The following EYS variants were observed in gnomAD, a reference collection of about 807,000 sequenced individuals.
EYS encodes protein eyes shut homolog.
Under a neutral mutation model 282.1 loss-of-function variants are expected in EYS, and 250 were observed. The observed-to-expected ratio is 0.89, with a 90% CI of 0.80 to 0.98. The LOEUF (loss-of-function observed/expected upper bound fraction) is 0.98, where lower values mean the gene tolerates loss of function less well. Ranked by LOEUF, EYS falls within the 50% of genes least tolerant of loss-of-function variation. EYS has a pLI of 0.00. For missense variants in EYS, 4,016 were observed against 3,709.0 expected (o/e 1.08, Z -2.15); for synonymous variants, 1,355 against 1,282.9 (o/e 1.06, Z -1.20).
chr6:64,453,355 G>C (rs948917351), intron 26 of EYS, among the ~76,000 whole-genome samples: 13 of 152,020 alleles, frequency 8.6e-5, no homozygotes, highest in East Asian at 1.9e-4. Flanking sequence ...AGTCAGGAAA[G>C]AACAGGTGCT....
chr6:64,869,507 G>A (rs1253719754), intron 19 of EYS, among the ~76,000 whole-genome samples: 2 of 151,432 alleles, frequency 1.3e-5, no homozygotes, highest in African/African-American at 4.8e-5. Flanking sequence ...AAGTAATTTG[G>A]GGTTATTTCA....
At chr6:63,974,883 A>T (rs1055377440) in intron 35 of EYS, among the ~76,000 whole-genome samples, 1 of 152,056 alleles carries the variant, frequency 6.6e-6, no homozygotes, top group Non-Finnish European at 1.5e-5. Context: ...GATGGCAGTA[A>T]TAAAAGTGGT....
At chr6:64,897,804 A>T (rs1165504717) in intron 18 of EYS, among the ~76,000 whole-genome samples, 2 of 152,240 alleles carry the variant, frequency 1.3e-5, no homozygotes, top group African/African-American at 4.8e-5. Context: ...AACTTTGTGA[A>T]GCACACACAA....
At chr6:65,626,319 G>A (rs1766689224) in intron 2 of EYS, among the ~76,000 whole-genome samples, 1 of 152,146 alleles carries the variant, frequency 6.6e-6, no homozygotes, top group African/African-American at 2.4e-5. Flanking sequence ...CTAAAACAGA[G>A]CCACTACCTA....
intron 31 of EYS, among the ~76,000 whole-genome samples, chr6:64,118,986 A>G (rs1167888092): frequency 6.6e-6 from 1 of 152,198 alleles, no homozygotes; most frequent in Non-Finnish European, 1.5e-5. Context: ...AATTAAAATC[A>G]CAATGAGATA....
At chr6:64,433,481 T>C (rs1774638529) in intron 28 of EYS, among the ~76,000 whole-genome samples, 1 of 152,052 alleles carries the variant, frequency 6.6e-6, no homozygotes, top group Non-Finnish European at 1.5e-5. Context: ...TTATAGATGA[T>C]AATCATGGAC....
chr6:64,976,902 AT>A (rs1473003381), intron 14 of EYS, among the ~76,000 whole-genome samples: 4 of 150,916 alleles, frequency 2.7e-5, no homozygotes, highest in Non-Finnish European at 3.0e-5. Context: ...ATTTTTTATT[AT>A]TTTTTTTGAG....
intron 26 of EYS, among the ~76,000 whole-genome samples, chr6:64,555,583 T>A (rs1765210785): frequency 6.6e-6 from 1 of 151,802 alleles, no homozygotes; most frequent in South Asian, 2.1e-4. Context: ...TCAAACTACA[T>A]CATGTTGTAC....
At chr6:64,333,559 G>A (rs1224526935) in intron 29 of EYS, among the ~76,000 whole-genome samples, 1 of 152,076 alleles carries the variant, frequency 6.6e-6, no homozygotes, top group East Asian at 1.9e-4. Flanking sequence ...GTGCACAACT[G>A]GAACATGCAA....
intron 31 of EYS, among the ~76,000 whole-genome samples, chr6:64,084,299 G>T (rs1019929434): frequency 1.3e-5 from 2 of 152,172 alleles, no homozygotes; most frequent in Non-Finnish European, 2.9e-5. Context: ...TGTTGACAGT[G>T]ATTTGCCTGT....
At chr6:65,631,644 T>C (rs181705344) in intron 2 of EYS, among the ~76,000 whole-genome samples, 99 of 152,294 alleles carry the variant, frequency 6.5e-4, no homozygotes, top group Non-Finnish European at 1.3e-3. Context: ...TTGTAATTGA[T>C]TTTTCTCTTT....
chr6:65,073,221 A>C (rs995631443), intron 12 of EYS, among the ~76,000 whole-genome samples: 2 of 151,840 alleles, frequency 1.3e-5, no homozygotes. Flanking sequence ...CAGACTTTTC[A>C]ACAGCAACAT....
At chr6:65,446,991 A>T (rs1398150798) in intron 5 of EYS, among the ~76,000 whole-genome samples, 1 of 151,658 alleles carries the variant, frequency 6.6e-6, no homozygotes, top group African/African-American at 2.4e-5. Context: ...CATAACAGAC[A>T]TCGTCTTAGA....
chr6:64,660,925 G>A (rs1329200455), intron 22 of EYS, among the ~76,000 whole-genome samples: 1 of 152,172 alleles, frequency 6.6e-6, no homozygotes, highest in South Asian at 2.1e-4. Context: ...AGCCCGCATT[G>A]CCAAGTCAAT....
At chr6:64,731,736 T>C (rs1297911942) in intron 22 of EYS, among the ~76,000 whole-genome samples, 2 of 152,304 alleles carry the variant, frequency 1.3e-5, no homozygotes, top group South Asian at 2.1e-4. Flanking sequence ...GTTTAAATGT[T>C]GTGGAAGACA....
intron 12 of EYS, among the ~76,000 whole-genome samples, chr6:65,064,904 T>C (rs1025446301): frequency 6.6e-5 from 10 of 152,034 alleles, no homozygotes; most frequent in African/African-American, 2.2e-4. Flanking sequence ...TTAAAGGAGC[T>C]GAATAGTCAG....
At chr6:65,263,980 A>G (rs498424) in intron 12 of EYS, among the ~76,000 whole-genome samples, 3,294 of 152,190 alleles carry the variant, frequency 0.022, 112 homozygotes, top group African/African-American at 0.076. Flanking sequence ...AAAGCCAGTC[A>G]TGATGGTTAA....
intron 12 of EYS, among the ~76,000 whole-genome samples, chr6:65,108,015 T>C (rs139690324): frequency 2.0e-4 from 31 of 152,250 alleles, no homozygotes; most frequent in Middle Eastern, 3.4e-3. Context: ...TACAATCATG[T>C]TTTTAAAGAA....
chr6:64,076,111 A>G (rs1003850349), intron 32 of EYS, among the ~76,000 whole-genome samples: 3 of 152,014 alleles, frequency 2.0e-5, no homozygotes, highest in Admixed American at 1.3e-4. Flanking sequence ...AACTCCTGCT[A>G]TATTCCTGAT....
Sources: gnomAD v4.1 joint callset for allele counts (sites outside exome capture counted in the v4.1 genomes callset) on GRCh38, gnomAD v4.1.1 for gene constraint, MANE v1.5 for transcripts, NCBI Gene and HGNC (gene_info 2026-07-23, HGNC 2026-07-21) for gene names.